The following KCNH7 variants were observed in gnomAD, a reference collection of about 807,000 sequenced individuals.
KCNH7 encodes voltage-gated inwardly rectifying potassium channel KCNH7.
Under a neutral mutation model 120.8 loss-of-function variants are expected in KCNH7, and 49 were observed. The observed-to-expected ratio is 0.41, with a 90% CI of 0.32 to 0.51. The LOEUF is 0.51. Ranked by LOEUF, KCNH7 falls within the 20% of genes least tolerant of loss-of-function variation. The pLI, the probability that KCNH7 is intolerant of heterozygous loss-of-function variation, is 0.38. For missense variants in KCNH7, 1,097 were observed against 1,446.6 expected (o/e 0.76, Z 3.92); for synonymous variants, 547 against 516.1 (o/e 1.06, Z -0.81).
intron 2 of KCNH7, among the ~76,000 whole-genome samples, chr2:162,761,361 G>C (rs926182831): frequency 6.6e-6 from 1 of 151,904 alleles, no homozygotes; most frequent in Non-Finnish European, 1.5e-5. Flanking sequence ...GAGTTTCAAC[G>C]TCCCTGTGTC....
At chr2:162,697,315 G>A (rs1369796981) in intron 2 of KCNH7, among the ~76,000 whole-genome samples, 1 of 152,132 alleles carries the variant, frequency 6.6e-6, no homozygotes, top group Non-Finnish European at 1.5e-5. Flanking sequence ...TGTGCAATCA[G>A]CAAAATGCAC....
chr2:162,804,386 T>TA lies in KCNH7; in HGVS notation c.307+32150dup, dbSNP rs1205500853. ...AATGAATTTCAGTAAAGTCTCAGGT[T>TA]AAAAAAATCAATATACACAAATCAA... On this transcript the variant is annotated intron_variant, in intron 2 of 15. Coordinates refer to ENST00000332142, the MANE Select transcript of KCNH7 (RefSeq NM_033272.4). 4.6e-5 allele frequency among the ~76,000 whole-genome samples: 7 copies of TA among 151,890 alleles called. No individual in the cohort carries two copies. The Middle Eastern group carries it at 0.01, about 221-fold the overall frequency.
At chr2:162,388,559 A>G (rs1366746042) in intron 12 of KCNH7, among the ~76,000 whole-genome samples, 1 of 151,920 alleles carries the variant, frequency 6.6e-6, no homozygotes, top group Non-Finnish European at 1.5e-5. Context: ...GATCACTAAA[A>G]TGGATAACAA....
intron 5 of KCNH7, among the ~76,000 whole-genome samples, chr2:162,512,086 G>T (rs1296026434): frequency 6.6e-6 from 1 of 151,718 alleles, no homozygotes; most frequent in Non-Finnish European, 1.5e-5. Flanking sequence ...GGTCATGCCA[G>T]TGATTTCAGA....
intron 2 of KCNH7, among the ~76,000 whole-genome samples, chr2:162,698,891 C>A (rs1386859464): frequency 6.6e-6 from 1 of 152,000 alleles, no homozygotes; most frequent in Non-Finnish European, 1.5e-5. Flanking sequence ...AGATTTAATT[C>A]TGAAATAGTT....
At chr2:162,722,506 C>A (rs1472438291) in intron 2 of KCNH7, among the ~76,000 whole-genome samples, 1 of 151,960 alleles carries the variant, frequency 6.6e-6, no homozygotes, top group Non-Finnish European at 1.5e-5. Flanking sequence ...TGTGACAAGT[C>A]ATTTTTCTCT....
intron 6 of KCNH7, among the ~76,000 whole-genome samples, chr2:162,464,899 A>C (rs1689259712): frequency 6.6e-6 from 1 of 152,074 alleles, no homozygotes; most frequent in Non-Finnish European, 1.5e-5. Flanking sequence ...TTGGAGTTCA[A>C]AGTTTTGTAA....
chr2:162,586,084 T>C (rs190573066), intron 2 of KCNH7, among the ~76,000 whole-genome samples: 17 of 152,212 alleles, frequency 1.1e-4, no homozygotes, highest in Admixed American at 9.2e-4. Context: ...AGTTTGCTGA[T>C]TGTGACAGAT....
chr2:162,724,040 A>G (rs77028326), intron 2 of KCNH7, among the ~76,000 whole-genome samples: 18,530 of 151,964 alleles, frequency 0.12, 1,323 homozygotes, highest in East Asian at 0.35. Flanking sequence ...CAAAACAACA[A>G]CTTTGGAGTA....
intron 2 of KCNH7, among the ~76,000 whole-genome samples, chr2:162,710,429 C>A (rs969951683): frequency 5.9e-5 from 9 of 152,148 alleles, no homozygotes; most frequent in African/African-American, 2.2e-4. Context: ...TCCTTTGGCA[C>A]TGGCCCTGCG....
chr2:162,597,274 C>T (rs1415151514), intron 2 of KCNH7, among the ~76,000 whole-genome samples: 6 of 151,996 alleles, frequency 3.9e-5, no homozygotes, highest in African/African-American at 9.7e-5. Flanking sequence ...TTTACAACAG[C>T]TAAGATAAGG....
At chr2:162,447,474 A>G (rs1402939659) in intron 6 of KCNH7, among the ~76,000 whole-genome samples, 4 of 152,146 alleles carry the variant, frequency 2.6e-5, no homozygotes, top group African/African-American at 9.6e-5. Context: ...CACAAATGGC[A>G]TAAAAAGAGC....
intron 9 of KCNH7, among the ~76,000 whole-genome samples, chr2:162,417,510 C>T (rs1169322554): frequency 6.6e-6 from 1 of 152,136 alleles, no homozygotes; most frequent in African/African-American, 2.4e-5. Flanking sequence ...TTTGAGACAT[C>T]ATTTCCACTT....
intron 2 of KCNH7, among the ~76,000 whole-genome samples, chr2:162,576,266 G>A (rs902070660): frequency 1.3e-5 from 2 of 152,006 alleles, no homozygotes; most frequent in African/African-American, 4.8e-5. Context: ...TTAGAAAGTC[G>A]TGATTCAAAA....
At chr2:162,634,925 T>C (rs1210889901) in intron 2 of KCNH7, among the ~76,000 whole-genome samples, 2 of 152,106 alleles carry the variant, frequency 1.3e-5, no homozygotes, top group Non-Finnish European at 2.9e-5. Context: ...CCGTTCTCTT[T>C]ATTCTTTTGT....
intron 8 of KCNH7, among the ~76,000 whole-genome samples, chr2:162,432,856 G>T (rs1688114665): frequency 6.6e-6 from 1 of 151,984 alleles, no homozygotes; most frequent in Non-Finnish European, 1.5e-5. Context: ...AACAGGAAAA[G>T]AAGTCAAATT....
At chr2:162,781,849 T>G (rs907169590) in intron 2 of KCNH7, among the ~76,000 whole-genome samples, 1 of 151,906 alleles carries the variant, frequency 6.6e-6, no homozygotes, top group Non-Finnish European at 1.5e-5. Flanking sequence ...AAAATTTGCT[T>G]TAGTGACTGA....
intron 2 of KCNH7, among the ~76,000 whole-genome samples, chr2:162,654,402 A>G (rs7593718): frequency 0.25 from 38,213 of 151,722 alleles, 7,662 homozygotes; most frequent in African/African-American, 0.54. Context: ...AAAAATGTCC[A>G]ACATCACTAA....
At chr2:162,439,658 CA>C (rs1330706366) in intron 7 of KCNH7, among the ~76,000 whole-genome samples, 1 of 151,828 alleles carries the variant, frequency 6.6e-6, no homozygotes, top group Non-Finnish European at 1.5e-5. Context: ...ACTCTCTTTC[CA>C]AAAATTCAAT....
Sources: gnomAD v4.1 joint callset for allele counts (sites outside exome capture counted in the v4.1 genomes callset) on GRCh38, gnomAD v4.1.1 for gene constraint, MANE v1.5 for transcripts, NCBI Gene and HGNC (gene_info 2026-07-23, HGNC 2026-07-21) for gene names.